The following LGSN variants were observed in gnomAD, a reference collection of about 807,000 sequenced individuals.
LGSN encodes lengsin.
In LGSN, 21 loss-of-function variants were observed where a neutral mutation model predicts 19.5. That is an observed-to-expected ratio of 1.07 (90% CI 0.76 to 1.55). The LOEUF (loss-of-function observed/expected upper bound fraction) is 1.55. Among genes scored for constraint, LGSN ranks in the 40% most tolerant of loss-of-function variants. The probability of loss-of-function intolerance (pLI) is 0.00; values close to 1 mark genes in which losing one functional copy is unlikely to be tolerated. For missense variants in LGSN, 673 were observed against 608.5 expected (o/e 1.11, Z -1.12); for synonymous variants, 257 against 215.6 (o/e 1.19, Z -1.68).
At chr6:63,570,912 T>C in the LGSN span, 1 of 152,248 alleles carries the variant, frequency 6.6e-6, no homozygotes, top group Admixed American at 6.5e-5. Flanking sequence ...TCCCTTTTTT[T>C]CGACATGAGT....
the LGSN span, chr6:63,548,857 G>A: frequency 1.3e-6 from 1 of 763,782 alleles, no homozygotes; most frequent in East Asian, 2.4e-5. Flanking sequence ...GCTCCCACTA[G>A]CTTAGCCAAA....
chr6:63,341,171 G>C, the LGSN span, among the ~76,000 whole-genome samples: 1 of 152,190 alleles, frequency 6.6e-6, no homozygotes, highest in Non-Finnish European at 1.5e-5. Context: ...CTCCTGGGAA[G>C]TGCATATAGG....
At chr6:63,369,847 C>CA in the LGSN span, among the ~76,000 whole-genome samples, 1 of 151,992 alleles carries the variant, frequency 6.6e-6, no homozygotes. Flanking sequence ...TACTAAAATA[C>CA]AAAAAATTTG....
At chr6:63,356,947 C>T in the LGSN span, among the ~76,000 whole-genome samples, 10 of 151,872 alleles carry the variant, frequency 6.6e-5, no homozygotes, top group African/African-American at 2.2e-4. Context: ...CGTCATTTAA[C>T]ATTAGTTATA....
chr6:63,400,436 T>G, the LGSN span, among the ~76,000 whole-genome samples: 2 of 152,222 alleles, frequency 1.3e-5, no homozygotes, highest in African/African-American at 4.8e-5. Flanking sequence ...CCAGGACATT[T>G]AATGAGCAGG....
the LGSN span, among the ~76,000 whole-genome samples, chr6:63,534,781 C>CTGAAGAATTTCTTTAG: frequency 7.3e-6 from 1 of 137,748 alleles, no homozygotes; most frequent in African/African-American, 2.9e-5. Flanking sequence ...AATTTCTTTA[C>CTGAAGAATTTCTTTAG]TAAAGAATTT....
chr6:63,339,138 G>C, the LGSN span, among the ~76,000 whole-genome samples: 1 of 152,132 alleles, frequency 6.6e-6, no homozygotes, highest in Non-Finnish European at 1.5e-5. Flanking sequence ...TGAGAAGAAT[G>C]TGTATTTTGT....
At chr6:63,337,156 C>A in the LGSN span, among the ~76,000 whole-genome samples, 2 of 151,744 alleles carry the variant, frequency 1.3e-5, no homozygotes, top group Admixed American at 6.6e-5. Context: ...AATCCCTGAC[C>A]TCTTGATCTG....
At chr6:63,322,634 G>A (rs1769111454), upstream of LGSN, among the ~76,000 whole-genome samples, 1 of 152,140 alleles carries the variant, frequency 6.6e-6, no homozygotes, top group African/African-American at 2.4e-5. Context: ...TAATATTTGA[G>A]CTTCCCTAGT....
At chr6:63,324,555 A>G (rs1426263884), upstream of LGSN, among the ~76,000 whole-genome samples, 1 of 152,220 alleles carries the variant, frequency 6.6e-6, no homozygotes, top group East Asian at 1.9e-4. Context: ...AATTAAAATT[A>G]TATCAAGTGT....
chr6:63,320,379 G>A (rs772430144), upstream of LGSN, among the ~76,000 whole-genome samples: 10 of 152,100 alleles, frequency 6.6e-5, no homozygotes, highest in Admixed American at 6.5e-4. Flanking sequence ...ACAGCTATAA[G>A]TGACCCAGAT....
chr6:63,373,643 G>A, the LGSN span, among the ~76,000 whole-genome samples: 2 of 152,088 alleles, frequency 1.3e-5, no homozygotes, highest in Non-Finnish European at 1.5e-5. Flanking sequence ...AATACAACAT[G>A]TGACCCTGAC....
chr6:63,520,714 G>T, the LGSN span, among the ~76,000 whole-genome samples: 5 of 151,796 alleles, frequency 3.3e-5, no homozygotes, highest in Non-Finnish European at 7.4e-5. Flanking sequence ...TGGCACAATT[G>T]TTCACCTTAT....
At chr6:63,507,250 T>G in the LGSN span, among the ~76,000 whole-genome samples, 1 of 152,164 alleles carries the variant, frequency 6.6e-6, no homozygotes, top group African/African-American at 2.4e-5. Flanking sequence ...ATGTGTAAAC[T>G]GGGCCAAGTT....
chr6:63,469,702 A>T, the LGSN span, among the ~76,000 whole-genome samples: 3 of 152,172 alleles, frequency 2.0e-5, no homozygotes, highest in African/African-American at 7.2e-5. Context: ...ACTGAAAAAA[A>T]AATTTAAGTT....
At chr6:63,572,879 G>A in the LGSN span, among the ~76,000 whole-genome samples, 19 of 152,212 alleles carry the variant, frequency 1.2e-4, 1 homozygote, top group East Asian at 2.3e-3. Flanking sequence ...TGGCCCTGTG[G>A]CCGGCCGATT....
the LGSN span, among the ~76,000 whole-genome samples, chr6:63,382,564 G>A: frequency 6.6e-6 from 1 of 152,166 alleles, no homozygotes; most frequent in African/African-American, 2.4e-5. Context: ...TACCTAGGAG[G>A]GTAAAGCCAA....
the LGSN span, among the ~76,000 whole-genome samples, chr6:63,442,798 C>T: frequency 4.0e-5 from 6 of 150,726 alleles, no homozygotes; most frequent in South Asian, 4.2e-4. Flanking sequence ...CCACAAACCC[C>T]GAGCTAGACA....
chr6:63,404,799 T>TC, the LGSN span, among the ~76,000 whole-genome samples: 15 of 139,186 alleles, frequency 1.1e-4, no homozygotes, highest in African/African-American at 4.4e-4. Context: ...AAAGTATTTC[T>TC]TTTTTTTATT....
Sources: allele counts gnomAD v4.1 joint callset (sites outside exome capture counted in the v4.1 genomes callset), GRCh38; gene constraint gnomAD v4.1.1; transcripts MANE v1.5; gene names NCBI Gene and HGNC (gene_info 2026-07-23, HGNC 2026-07-21).